CERS3: variants seen among roughly 807,000 people sequenced by gnomAD.
The protein encoded by CERS3 is ceramide synthase 3.
In CERS3, 33 loss-of-function variants were observed where a neutral mutation model predicts 50.3. That is an observed-to-expected ratio of 0.66 (90% CI 0.50 to 0.88). The LOEUF (loss-of-function observed/expected upper bound fraction) is 0.88. Ranked by LOEUF, CERS3 falls within the 40% of genes least tolerant of loss-of-function variation. CERS3 has a pLI of 0.00. For missense variants in CERS3, 470 were observed against 460.3 expected, an observed-to-expected ratio of 1.02 and a Z score of -0.19; for synonymous variants, 176 against 155.2, an observed-to-expected ratio of 1.13 and a Z score of -0.99.
At chr15:100,497,896 C>CTT (rs377191111) in intron 3 of CERS3, among the ~76,000 whole-genome samples, 26,983 of 63,440 alleles carry the variant, frequency 0.43, 4,847 homozygotes, top group East Asian at 0.58. Context: ...CACACACACA[C>CTT]TTTTTTTTTT....
intron 10 of CERS3, among the ~76,000 whole-genome samples, chr15:100,460,786 A>G (rs2034525324): frequency 6.6e-6 from 1 of 152,232 alleles, no homozygotes; most frequent in Non-Finnish European, 1.5e-5. Context: ...TTATTGACAA[A>G]AGGACCTACT....
chr15:100,444,125 C>G (rs1436661370), intron 11 of CERS3, among the ~76,000 whole-genome samples: 1 of 152,208 alleles, frequency 6.6e-6, no homozygotes, highest in Non-Finnish European at 1.5e-5. Flanking sequence ...CTTACTGTTT[C>G]AGGCTGGCCA....
chr15:100,421,901 A>AT (rs1339833916), intron 11 of CERS3, among the ~76,000 whole-genome samples: 10 of 47,010 alleles, frequency 2.1e-4, no homozygotes, highest in South Asian at 1.0e-3. Context: ...CTGAAACTGG[A>AT]TCCCTTCCTT....
At chr15:100,456,303 G>A (rs186480970) in intron 10 of CERS3, among the ~76,000 whole-genome samples, 1 of 152,300 alleles carries the variant, frequency 6.6e-6, no homozygotes, top group East Asian at 1.9e-4. Flanking sequence ...AAACTGGAAT[G>A]TTTCTGTACC....
chr15:100,515,589 A>T (rs972569089), intron 2 of CERS3, among the ~76,000 whole-genome samples: 3 of 152,170 alleles, frequency 2.0e-5, no homozygotes, highest in Non-Finnish European at 4.4e-5. Flanking sequence ...TTGCAGAAAA[A>T]CAGGTATGAC....
chr15:100,455,489 A>G (rs1232990951), intron 11 of CERS3, among the ~76,000 whole-genome samples: 2 of 152,174 alleles, frequency 1.3e-5, no homozygotes, highest in African/African-American at 4.8e-5. Context: ...TAGAGATGAT[A>G]AATACTCAAG....
intron 10 of CERS3, among the ~76,000 whole-genome samples, chr15:100,460,958 C>T (rs993143268): frequency 2.6e-5 from 4 of 152,078 alleles, no homozygotes; most frequent in Non-Finnish European, 5.9e-5. Flanking sequence ...ATGGAAAATT[C>T]GAGGAGCTAA....
At chr15:100,454,737 G>A (rs1482559920) in intron 11 of CERS3, among the ~76,000 whole-genome samples, 1 of 152,146 alleles carries the variant, frequency 6.6e-6, no homozygotes, top group African/African-American at 2.4e-5. Flanking sequence ...AAACTAAGAA[G>A]CTTCTGTGCA....
At chr15:100,450,658 G>C (rs1206597320) in intron 11 of CERS3, among the ~76,000 whole-genome samples, 5 of 152,188 alleles carry the variant, frequency 3.3e-5, no homozygotes, top group Non-Finnish European at 7.3e-5. Flanking sequence ...AATAGCTGAA[G>C]TGTTCCCAAG....
chr15:100,455,103 G>T (rs561295530), intron 11 of CERS3, among the ~76,000 whole-genome samples: 1 of 152,240 alleles, frequency 6.6e-6, no homozygotes, highest in African/African-American at 2.4e-5. Context: ...ACACTGGTGA[G>T]AATGTAAAGA....
At chr15:100,536,974 G>C (rs1053785303) in intron 1 of CERS3, among the ~76,000 whole-genome samples, 1 of 152,188 alleles carries the variant, frequency 6.6e-6, no homozygotes, top group African/African-American at 2.4e-5. Flanking sequence ...TATTGCACAA[G>C]GTGCTTGAAA....
At chr15:100,515,438 C>T (rs922199486) in intron 2 of CERS3, among the ~76,000 whole-genome samples, 2 of 152,140 alleles carry the variant, frequency 1.3e-5, no homozygotes, top group South Asian at 4.1e-4. Context: ...ATGGAATTCT[C>T]CCAAGGCCCC....
intron 3 of CERS3, among the ~76,000 whole-genome samples, chr15:100,491,684 A>G (rs1043802926): frequency 6.6e-6 from 1 of 152,122 alleles, no homozygotes; most frequent in South Asian, 2.1e-4. Flanking sequence ...CTTCATTTTA[A>G]ATATAGGTGT....
chr15:100,518,345 CAG>C (rs138962678), intron 2 of CERS3, among the ~76,000 whole-genome samples: 9 of 150,360 alleles, frequency 6.0e-5, no homozygotes, highest in African/African-American at 1.5e-4. Context: ...GAGAGAAGGA[CAG>C]AGAGAGAGAG....
intron 10 of CERS3, among the ~76,000 whole-genome samples, chr15:100,461,036 G>T (rs1203614595): frequency 6.6e-6 from 1 of 152,166 alleles, no homozygotes; most frequent in South Asian, 2.1e-4. Context: ...GGTGGGAGAG[G>T]TGAAGAAGCC....
In CERS3 at chr15:100,441,115, C is replaced by T. The variant is rs139477449; in HGVS notation, c.999+14778G>A. Among the ~76,000 whole-genome samples the T allele has an allele frequency of 1.6e-3, 241 of 152,054 alleles. 3 individuals carry two copies. The East Asian group carries it at 0.036, about 23-fold the overall frequency. The stretch of plus-strand genomic sequence containing the variant: ...CAGGAACCCCGACCTCTTATCTCTG[C>T]GCCCTGATCCCTTATTTCCACACCC... On this transcript the variant is annotated intron_variant, in intron 11 of 11. Transcript: ENST00000679737.
chr15:100,525,710 T>A lies in CERS3; in HGVS notation c.-92+3103A>T, dbSNP rs185788512. On this transcript the variant is annotated intron_variant, in intron 1 of 11. Coordinates refer to ENST00000679737, the MANE Select transcript of CERS3 (RefSeq NM_001378789.1). ...TAAGCCCTAATTTATTTATTTTAAT[T>A]AGACTTTTAGCTTCATTTATGTTTT... Among the ~76,000 whole-genome samples, 8 of 152,346 alleles carry A rather than the reference T, an allele frequency of 5.3e-5. No individual in the cohort carries two copies. The East Asian group carries it at 1.5e-3, about 29-fold the overall frequency.
chr15:100,503,836 G>A (rs2036083957), intron 2 of CERS3: 3 of 443,186 alleles, frequency 6.8e-6, no homozygotes, highest in South Asian at 4.8e-5. Context: ...GGGACCAGAG[G>A]GAATAACGCC....
chr15:100,492,981 CTTCT>C (rs2035697372), intron 3 of CERS3, among the ~76,000 whole-genome samples: 1 of 152,152 alleles, frequency 6.6e-6, no homozygotes, highest in African/African-American at 2.4e-5. Context: ...TCCCCGTCCC[CTTCT>C]TTGTGCTCTT....
Sources: allele counts gnomAD v4.1 joint callset (sites outside exome capture counted in the v4.1 genomes callset), GRCh38; gene constraint gnomAD v4.1.1; transcripts MANE v1.5; gene names NCBI Gene and HGNC (gene_info 2026-07-23, HGNC 2026-07-21).